The following DLGAP1 variants were observed in gnomAD, a reference collection of about 807,000 sequenced individuals.
DLGAP1 encodes the protein DLG associated protein 1, also known as disks large-associated protein 1.
In DLGAP1, 11 loss-of-function variants were observed where a neutral mutation model predicts 90.8. The ratio of observed to expected loss-of-function variants is 0.12; its 90% CI spans 0.08 to 0.20. The LOEUF (loss-of-function observed/expected upper bound fraction) is 0.20, where lower values mean the gene tolerates loss of function less well. Ranked by LOEUF, DLGAP1 falls within the 10% of genes least tolerant of loss-of-function variation. The pLI, the probability that DLGAP1 is intolerant of heterozygous loss-of-function variation, is 1.00. For missense variants in DLGAP1, 1,050 were observed against 1,333.8 expected, an observed-to-expected ratio of 0.79 and a Z score of 3.31; for synonymous variants, 558 against 540.7, an observed-to-expected ratio of 1.03 and a Z score of -0.44.
rs16946435 is a variant in DLGAP1, at chr18:4,316,639, T to C, written c.-267+138367A>G. 3.5e-3 allele frequency among the ~76,000 whole-genome samples: 529 copies of C among 152,224 alleles called. 24 individuals are homozygous for C. The East Asian group carries it at 0.084, about 24-fold the overall frequency. On this transcript the variant is annotated intron_variant, in intron 1 of 12. Transcript: ENST00000315677. ...GAACAGTGTTGGCCTCTGTACAGTT[T>C]CCTGCCACTCTACATTCTCTCTGCA... is the stretch of plus-strand genomic sequence containing the variant.
At chr18:3,592,894 G>T (rs369960354) in intron 7 of DLGAP1, among the ~76,000 whole-genome samples, 4 of 93,458 alleles carry the variant, frequency 4.3e-5, no homozygotes, top group Non-Finnish European at 9.7e-5. Context: ...AAAAGAAAAA[G>T]AAAAAGAAAA....
At chr18:4,123,626 C>T (rs2076187830) in intron 2 of DLGAP1, among the ~76,000 whole-genome samples, 1 of 152,192 alleles carries the variant, frequency 6.6e-6, no homozygotes, top group Non-Finnish European at 1.5e-5. Flanking sequence ...AGGGAAGTCA[C>T]TGGAGCTGCT....
chr18:4,029,799 T>C (rs1306547577), intron 2 of DLGAP1, among the ~76,000 whole-genome samples: 2 of 152,178 alleles, frequency 1.3e-5, no homozygotes, highest in Non-Finnish European at 2.9e-5. Flanking sequence ...TCTCTCCTAC[T>C]TCAGGGTTTT....
intron 3 of DLGAP1, chr18:3,983,091 A>C (rs527959793): frequency 6.6e-6 from 1 of 152,266 alleles, no homozygotes; most frequent in South Asian, 2.1e-4. Context: ...TTCAGAGTCA[A>C]AGGAATATAG....
intron 3 of DLGAP1, among the ~76,000 whole-genome samples, chr18:3,910,720 T>C (rs2072013960): frequency 1.3e-5 from 2 of 152,190 alleles, no homozygotes; most frequent in Admixed American, 1.3e-4. Flanking sequence ...GGAGCTGTAT[T>C]TGTAGCAAGC....
chr18:3,829,122 T>G (rs1395761278), intron 4 of DLGAP1, among the ~76,000 whole-genome samples: 1 of 152,246 alleles, frequency 6.6e-6, no homozygotes, highest in Non-Finnish European at 1.5e-5. Flanking sequence ...CAGGTCAACC[T>G]GAGTTCAAAT....
intron 3 of DLGAP1, among the ~76,000 whole-genome samples, chr18:3,978,843 C>T (rs117723830): frequency 5.8e-4 from 89 of 152,172 alleles, no homozygotes; most frequent in Non-Finnish European, 9.3e-4. Flanking sequence ...TAGGACAGAT[C>T]TTGATGGACA....
At chr18:4,361,869 C>T (rs951490605) in intron 1 of DLGAP1, among the ~76,000 whole-genome samples, 1 of 152,136 alleles carries the variant, frequency 6.6e-6, no homozygotes, top group Middle Eastern at 3.4e-3. Flanking sequence ...GAATAGAGAA[C>T]TCCTAAAATT....
intron 2 of DLGAP1, among the ~76,000 whole-genome samples, chr18:4,088,430 T>C (rs4798165): frequency 0.32 from 13,494 of 42,582 alleles, 1,563 homozygotes; most frequent in African/African-American, 0.53. Flanking sequence ...AATTTTCCTT[T>C]GTGTGTGTGT....
rs542458902 is a variant in DLGAP1 at position 3,856,717 on chromosome 18, C to T, written c.957+22395G>A. Among the ~76,000 whole-genome samples, 911 of 152,002 alleles carry T rather than the reference C, an allele frequency of 6.0e-3. 13 individuals are homozygous for T. Among genetic ancestry groups the T allele is most frequent in the African/African-American group, 0.02 (845 of 41,462 alleles). On this transcript the variant is annotated intron_variant, in intron 4 of 12. Coordinates refer to ENST00000315677, the MANE Select transcript of DLGAP1 (RefSeq NM_004746.4). ...TCTACTAAAAATACAAAAAATTAGC[C>T]GGGTGTGGTGGCAGGCAGCTGTAGT...
chr18:3,528,933 G>A (rs545141725), intron 10 of DLGAP1, among the ~76,000 whole-genome samples: 19 of 152,336 alleles, frequency 1.2e-4, no homozygotes, highest in Non-Finnish European at 2.2e-4. Context: ...GGACACACAA[G>A]GTTCATCTGG....
chr18:3,688,649 ACACACACACACACACAC>A (rs1567965560), intron 7 of DLGAP1, among the ~76,000 whole-genome samples: 3,559 of 148,452 alleles, frequency 0.024, 168 homozygotes, highest in African/African-American at 0.087. Flanking sequence ...ACACACACAC[ACACACACACACACACAC>A]ACCCTACCAA....
At position 4,191,493 on chromosome 18, in the gene DLGAP1, A is replaced by G. The variant is rs1304864532; in HGVS notation, c.-266-40206T>C. On this transcript the variant is annotated intron_variant, in intron 1 of 12. Coordinates refer to ENST00000315677, the MANE Select transcript of DLGAP1 (RefSeq NM_004746.4). ...GCAATACATTATCCAAGCTGTGACT[A>G]TCTCTTTCATGGGCAACTGTAATTC... Among the ~76,000 whole-genome samples, 5 of 152,144 alleles carry G rather than the reference A, an allele frequency of 3.3e-5. No homozygotes were observed. The East Asian group carries it at 9.6e-4, about 29-fold the overall frequency.
At chr18:4,451,645 C>T (rs1598443193) in intron 1 of DLGAP1, among the ~76,000 whole-genome samples, 2 of 151,986 alleles carry the variant, frequency 1.3e-5, no homozygotes, top group South Asian at 2.1e-4. Flanking sequence ...TCTCATGCTT[C>T]GGAAAAAAGA....
intron 1 of DLGAP1, among the ~76,000 whole-genome samples, chr18:4,179,758 T>A (rs1418574993): frequency 6.6e-6 from 1 of 152,212 alleles, no homozygotes; most frequent in Admixed American, 6.5e-5. Context: ...TTTAAGTACA[T>A]GAATCCTAGA....
intron 1 of DLGAP1, among the ~76,000 whole-genome samples, chr18:4,264,005 T>C (rs534448429): frequency 5.3e-5 from 8 of 152,344 alleles, no homozygotes; most frequent in Admixed American, 4.6e-4. Context: ...ATGAAGATAT[T>C]TTCCCACAAC....
chr18:3,989,845 A>C (rs960342847), intron 3 of DLGAP1, among the ~76,000 whole-genome samples: 2 of 152,196 alleles, frequency 1.3e-5, no homozygotes, highest in African/African-American at 4.8e-5. Context: ...CACTTCTCAA[A>C]AGAAGACATT....
At chr18:3,763,570 T>C (rs1294216328) in intron 5 of DLGAP1, among the ~76,000 whole-genome samples, 2 of 152,188 alleles carry the variant, frequency 1.3e-5, no homozygotes, top group African/African-American at 4.8e-5. Context: ...TCTTTTTGGG[T>C]GACTTTTAGA....
intron 9 of DLGAP1, among the ~76,000 whole-genome samples, chr18:3,552,925 G>T (rs1467906796): frequency 6.6e-6 from 1 of 151,362 alleles, no homozygotes; most frequent in Non-Finnish European, 1.5e-5. Flanking sequence ...CAAATCGGTT[G>T]TCACTTCCAT....
Sources: gnomAD v4.1 joint callset for allele counts (sites outside exome capture counted in the v4.1 genomes callset) on GRCh38, gnomAD v4.1.1 for gene constraint, MANE v1.5 for transcripts, NCBI Gene and HGNC (gene_info 2026-07-23, HGNC 2026-07-21) for gene names.